CYFIP1: variants seen among roughly 807,000 people sequenced by gnomAD.
CYFIP1 encodes cytoplasmic FMR1-interacting protein 1.
In CYFIP1, 58 loss-of-function variants were observed where a neutral mutation model predicts 163.5. The ratio of observed to expected loss-of-function variants is 0.35; its 90% CI spans 0.29 to 0.44. CYFIP1 has a LOEUF of 0.44. CYFIP1 is among the 20% of genes least tolerant of loss of function. The probability of loss-of-function intolerance (pLI) is 1.00; values close to 1 mark genes in which losing one functional copy is unlikely to be tolerated. For synonymous variants in CYFIP1, 663 were observed against 660.7 expected (o/e 1.00, Z -0.05); for missense variants, 1,338 against 1,653.8 (o/e 0.81, Z 3.31).
rs1449226504 is a variant in CYFIP1, at chr15:22,917,659, C to T, written c.1674+129G>A. On this transcript the variant is annotated intron_variant, in intron 15 of 30. Coordinates refer to ENST00000617928, the MANE Select transcript of CYFIP1 (RefSeq NM_014608.6). The surrounding 1 kb of genome is among the most constrained non-coding windows in gnomAD (Gnocchi z 4.2). ...ACAGAGGAGCAGCAGAAACCACAGGCGCCACTTTCTCTGCCTGAGCAGGCA... is the reference window on the plus strand; with the variant it reads ...ACAGAGGAGCAGCAGAAACCACAGGTGCCACTTTCTCTGCCTGAGCAGGCA... 9.6e-6 allele frequency: 11 copies of T among 1,149,370 alleles called. No homozygotes were observed. The South Asian group carries it at 1.2e-4, about 12-fold the overall frequency. 71.2% of individuals were successfully genotyped at this position (1,149,370 alleles called of 1,614,324 possible).
intron 23 of CYFIP1, among the ~76,000 whole-genome samples, chr15:22,892,475 C>T (rs1595530848): frequency 6.6e-6 from 1 of 152,164 alleles, no homozygotes; most frequent in Non-Finnish European, 1.5e-5. Flanking sequence ...CAGCTCCGCT[C>T]CTCCGGTCAG....
At chr15:22,946,896 C>G in intron 3 of CYFIP1, 107 bp downstream of exon 3, 1 of 956,358 alleles carries the variant, frequency 1.0e-6, no homozygotes, top group Non-Finnish European at 1.7e-6. Flanking sequence ...ATTTTCTTCT[C>G]TTTTTCCTCA....
At chr15:22,892,665 C>G (rs113291227) in intron 23 of CYFIP1, among the ~76,000 whole-genome samples, 287 of 152,330 alleles carry the variant, frequency 1.9e-3, no homozygotes, top group African/African-American at 6.6e-3. Context: ...CCCAACACTA[C>G]GTACGCGCTA....
chr15:22,928,432 TAAAA>T (rs1175009671), intron 11 of CYFIP1, among the ~76,000 whole-genome samples: 37 of 117,918 alleles, frequency 3.1e-4, no homozygotes, highest in African/African-American at 1.1e-3. Context: ...AATAAATAAA[TAAAA>T]AGAAAATAAG....
chr15:22,936,786 C>A (rs192123117), intron 9 of CYFIP1, among the ~76,000 whole-genome samples: 3 of 152,162 alleles, frequency 2.0e-5, no homozygotes, highest in African/African-American at 4.8e-5. Context: ...ACACCACAAC[C>A]GAAAGCTACA....
intron 17 of CYFIP1, 91 bp downstream of exon 17, chr15:22,914,635 A>G: frequency 7.4e-7 from 1 of 1,343,938 alleles, no homozygotes; most frequent in Admixed American, 2.5e-5. Context: ...CAAATACAAT[A>G]CTAAAAACAG....
intron 1 of CYFIP1, among the ~76,000 whole-genome samples, chr15:22,961,172 C>A (rs748365424): frequency 1.6e-4 from 25 of 151,802 alleles, no homozygotes; most frequent in Non-Finnish European, 3.2e-4. Flanking sequence ...CAGGGGCTCG[C>A]CACCATGCCG....
chr15:22,957,558 C>G (rs2062515672), intron 1 of CYFIP1, among the ~76,000 whole-genome samples: 1 of 152,158 alleles, frequency 6.6e-6, no homozygotes. Context: ...ATGGCGTGAA[C>G]CCAGGAGGCG....
At chr15:22,978,879 C>G in intron 1 of CYFIP1, among the ~76,000 whole-genome samples, 1 of 152,202 alleles carries the variant, frequency 6.6e-6, no homozygotes, top group Admixed American at 6.5e-5. Flanking sequence ...GCTGCAAGAG[C>G]GGGGAGGAGA....
intron 6 of CYFIP1, among the ~76,000 whole-genome samples, chr15:22,941,669 C>T (rs144446500): frequency 3.1e-3 from 478 of 152,164 alleles, no homozygotes; most frequent in African/African-American, 4.8e-3. Flanking sequence ...CCCAGGCCCA[C>T]TCTTTGGTGC....
At chr15:22,947,124 G>C in intron 2 of CYFIP1, 32 bp from the exon 3 acceptor site, 1 of 1,614,096 alleles carries the variant, frequency 6.2e-7, no homozygotes, top group South Asian at 1.1e-5. Context: ...ACATCATGTG[G>C]GGTCGGAGCA....
chr15:22,978,765 G>C (rs1163679329), intron 1 of CYFIP1, among the ~76,000 whole-genome samples: 2 of 152,066 alleles, frequency 1.3e-5, no homozygotes, highest in Non-Finnish European at 2.9e-5. Flanking sequence ...CCAGAGCATA[G>C]CTGAATCTCC....
Position 22,917,937 on chromosome 15 carries a change from T to C in CYFIP1, c.1527-2A>G. On this transcript the variant is annotated splice_acceptor_variant, in intron 14 of 30. Coordinates refer to ENST00000617928, the MANE Select transcript of CYFIP1 (RefSeq NM_014608.6). LOFTEE classifies it high-confidence loss of function. The surrounding 1 kb of genome is among the most constrained non-coding windows in gnomAD (Gnocchi z 4.2). The stretch of plus-strand genomic sequence containing the variant: ...GTCTTCCTGATGGCCTGCAGGACAC[T>C]GAACACCCCACCAAGTGATCAGCAA... The C allele has an allele frequency of 6.2e-7, 1 of 1,613,016 alleles. No homozygotes were observed. Among genetic ancestry groups the C allele is most frequent in the Admixed American group, 1.7e-5 (1 of 59,768 alleles).
At chr15:22,922,732 C>T (rs2061226645) in intron 13 of CYFIP1, among the ~76,000 whole-genome samples, 1 of 152,202 alleles carries the variant, frequency 6.6e-6, no homozygotes. Context: ...CGGCTCATGC[C>T]TGTAATCCTA....
chr15:22,891,057 T>C (rs1304521328), intron 23 of CYFIP1, among the ~76,000 whole-genome samples: 3 of 151,090 alleles, frequency 2.0e-5, no homozygotes, highest in African/African-American at 7.3e-5. Flanking sequence ...TTCAAACATC[T>C]GCACCCTAGA....
At chr15:22,879,325 C>CT (rs1254274414) in intron 26 of CYFIP1, among the ~76,000 whole-genome samples, 1 of 152,094 alleles carries the variant, frequency 6.6e-6, no homozygotes, top group African/African-American at 2.4e-5. Flanking sequence ...AACTGAGCTG[C>CT]TGTGATGTAC....
chr15:22,967,554 C>T (rs1287686321), intron 1 of CYFIP1, among the ~76,000 whole-genome samples: 1 of 152,094 alleles, frequency 6.6e-6, no homozygotes, highest in African/African-American at 2.4e-5. Context: ...TTCCAGGGCC[C>T]GGCCCCACCA....
At position 22,926,142 on chromosome 15, in the gene CYFIP1, T is replaced by G. The variant is rs201632010; in HGVS notation, c.1234-35A>C. 150 of 1,612,550 alleles carry G rather than the reference T, an allele frequency of 9.3e-5. 2 individuals carry two copies. The Middle Eastern group carries it at 1.2e-3, about 12-fold the overall frequency. ...CCGAAAGAGCAGAGGTGTTCCATAT[T>G]GCATGCAAAACGCCTGGCTTCTGGT... On this transcript the variant is annotated intron_variant, in intron 12 of 30. Transcript: ENST00000617928.
intron 22 of CYFIP1, among the ~76,000 whole-genome samples, chr15:22,902,985 C>T (rs899550566): frequency 1.1e-4 from 17 of 152,148 alleles, no homozygotes; most frequent in African/African-American, 3.1e-4. Context: ...GTGGGTGGGA[C>T]GCGGAGATCA....
Sources: gnomAD v4.1 joint callset for allele counts (sites outside exome capture counted in the v4.1 genomes callset) on GRCh38, gnomAD v4.1.1 for gene constraint, Gnocchi (gnomAD v3.1) non-coding constraint, MANE v1.5 for transcripts, NCBI Gene and HGNC (gene_info 2026-07-23, HGNC 2026-07-21) for gene names.